UNC5C: variants seen among roughly 807,000 people sequenced by gnomAD.
The protein encoded by UNC5C is unc-5 netrin receptor C, also known as netrin receptor UNC5C.
A neutral mutation model predicts 99.8 loss-of-function variants in UNC5C; 47 were observed. The ratio of observed to expected loss-of-function variants is 0.47; its 90% CI spans 0.37 to 0.60. The LOEUF is 0.60. Among genes scored for constraint, UNC5C ranks in the 20% least tolerant of loss-of-function variants. The pLI is 0.00. For synonymous variants in UNC5C, 487 were observed against 452.2 expected, an observed-to-expected ratio of 1.08 and a Z score of -0.98; for missense variants, 1,062 against 1,165.9, an observed-to-expected ratio of 0.91 and a Z score of 1.30.
chr4:95,246,628 T>A (rs954001926), intron 5 of UNC5C, among the ~76,000 whole-genome samples: 94 of 151,962 alleles, frequency 6.2e-4, no homozygotes, highest in African/African-American at 2.1e-3. Flanking sequence ...GGATACATTA[T>A]GCATAATGTA....
chr4:95,538,619 A>G (rs909652862), intron 1 of UNC5C, among the ~76,000 whole-genome samples: 2 of 152,186 alleles, frequency 1.3e-5, no homozygotes, highest in Admixed American at 6.5e-5. Flanking sequence ...AATGAATGGT[A>G]TATGTATGAA....
At chr4:95,271,742 A>G (rs1247271215) in intron 4 of UNC5C, among the ~76,000 whole-genome samples, 1 of 152,236 alleles carries the variant, frequency 6.6e-6, no homozygotes, top group Non-Finnish European at 1.5e-5. Flanking sequence ...ATGATCTTTT[A>G]AAGGTGAATG....
intron 1 of UNC5C, among the ~76,000 whole-genome samples, chr4:95,491,378 T>C (rs1443935938): frequency 6.6e-6 from 1 of 151,644 alleles, no homozygotes; most frequent in Non-Finnish European, 1.5e-5. Flanking sequence ...ACATTTGGTG[T>C]TAGGCAAAGA....
chr4:95,502,186 A>G (rs1721792291), intron 1 of UNC5C, among the ~76,000 whole-genome samples: 1 of 152,200 alleles, frequency 6.6e-6, no homozygotes, highest in Admixed American at 6.5e-5. Flanking sequence ...ATTGGTTGCA[A>G]CAATGGATTA....
intron 1 of UNC5C, among the ~76,000 whole-genome samples, chr4:95,437,963 A>G (rs1746839423): frequency 6.6e-6 from 1 of 152,082 alleles, no homozygotes; most frequent in Non-Finnish European, 1.5e-5. Context: ...TAAACTTTGC[A>G]CATTCATGCT....
intron 1 of UNC5C, among the ~76,000 whole-genome samples, chr4:95,536,223 A>G (rs1722780213): frequency 6.6e-6 from 1 of 151,820 alleles, no homozygotes; most frequent in Non-Finnish European, 1.5e-5. Flanking sequence ...CTACAGGTGC[A>G]TGCCACCATG....
intron 1 of UNC5C, among the ~76,000 whole-genome samples, chr4:95,461,177 G>A (rs538245147): frequency 6.6e-6 from 1 of 152,254 alleles, no homozygotes; most frequent in Non-Finnish European, 1.5e-5. Flanking sequence ...TTGAAGGGAA[G>A]ACTTCTTAAT....
Position 95,329,900 on chromosome 4 carries a change from A to G in UNC5C, c.346+5510T>C, listed in dbSNP as rs181527964. ...CAACCAACCAACTGCCAAATTTTCT[A>G]CTAATGATGATGGTGATGGTGGCGA... On this transcript the variant is annotated intron_variant, in intron 2 of 15. Transcript: ENST00000453304. Among the ~76,000 whole-genome samples the G allele has an allele frequency of 1.5e-4, 23 of 152,286 alleles. No individual in the cohort carries two copies. The East Asian group carries it at 3.9e-3, about 26-fold the overall frequency.
intron 14 of UNC5C, among the ~76,000 whole-genome samples, chr4:95,180,109 C>G (rs906451835): frequency 6.6e-6 from 1 of 152,106 alleles, no homozygotes; most frequent in Admixed American, 6.6e-5. Context: ...AGCATGTGCT[C>G]TGGGCCAAGT....
intron 1 of UNC5C, among the ~76,000 whole-genome samples, chr4:95,377,140 A>T (rs1437252279): frequency 6.6e-6 from 1 of 152,210 alleles, no homozygotes; most frequent in African/African-American, 2.4e-5. Context: ...AACAACAATG[A>T]CAAAAGGAGT....
intron 1 of UNC5C, among the ~76,000 whole-genome samples, chr4:95,370,274 A>G (rs2149438406): frequency 6.6e-6 from 1 of 152,264 alleles, no homozygotes; most frequent in Admixed American, 6.5e-5. Context: ...GGGCTATATA[A>G]TTATATTACT....
chr4:95,547,229 C>T (rs1209801580), intron 1 of UNC5C, among the ~76,000 whole-genome samples: 1 of 151,832 alleles, frequency 6.6e-6, no homozygotes, highest in African/African-American at 2.4e-5. Flanking sequence ...AGGCATCTGG[C>T]GAGAAAGGAA....
chr4:95,391,757 TAA>T (rs61515733), intron 1 of UNC5C, among the ~76,000 whole-genome samples: 43,155 of 125,520 alleles, frequency 0.34, 6,806 homozygotes, highest in Middle Eastern at 0.44. Context: ...CCTTTCATGG[TAA>T]AAAAAAAAAA....
chr4:95,216,227 G>C lies in UNC5C; in HGVS notation c.1646-16C>G, dbSNP rs1354861227. On this transcript the variant is annotated splice_polypyrimidine_tract_variant and intron_variant, in intron 9 of 15. Coordinates refer to ENST00000453304, the MANE Select transcript of UNC5C (RefSeq NM_003728.4). ...AAGCTGACTCCTGAATAGCAAAAGAGAAAAGCAGTCATTTAAGACTTTTGC... is the reference window on the plus strand; with the variant it reads ...AAGCTGACTCCTGAATAGCAAAAGACAAAAGCAGTCATTTAAGACTTTTGC... The C allele has an allele frequency of 6.2e-7, 1 of 1,604,548 alleles. No individual in the cohort carries two copies. Among genetic ancestry groups the C allele is most frequent in the South Asian group, 1.1e-5 (1 of 90,510 alleles).
At chr4:95,382,078 C>T (rs1211893604) in intron 1 of UNC5C, among the ~76,000 whole-genome samples, 1 of 152,136 alleles carries the variant, frequency 6.6e-6, no homozygotes, top group African/African-American at 2.4e-5. Flanking sequence ...TGAGTTTGCT[C>T]AGGTCAAGTG....
At chr4:95,224,864 T>TG (rs1216080938) in intron 7 of UNC5C, among the ~76,000 whole-genome samples, 8 of 151,066 alleles carry the variant, frequency 5.3e-5, no homozygotes, top group Non-Finnish European at 8.8e-5. Flanking sequence ...TTTTTTTTTT[T>TG]AATTGAGATG....
At chr4:95,181,213 A>T (rs1274269253) in intron 14 of UNC5C, among the ~76,000 whole-genome samples, 1 of 152,200 alleles carries the variant, frequency 6.6e-6, no homozygotes, top group Non-Finnish European at 1.5e-5. Context: ...CTCTGACATG[A>T]CTGAAGGCTG....
At chr4:95,477,400 A>C (rs1403332327) in intron 1 of UNC5C, among the ~76,000 whole-genome samples, 1 of 152,098 alleles carries the variant, frequency 6.6e-6, no homozygotes. Context: ...TAACATATCT[A>C]AGAAAAAATG....
chr4:95,221,117 T>G (rs1245321044), intron 7 of UNC5C, among the ~76,000 whole-genome samples: 1 of 152,126 alleles, frequency 6.6e-6, no homozygotes, highest in Non-Finnish European at 1.5e-5. Context: ...CTGGAAAAGG[T>G]GATAGAAGCT....
Sources: gnomAD v4.1 joint callset for allele counts (sites outside exome capture counted in the v4.1 genomes callset) on GRCh38, gnomAD v4.1.1 for gene constraint, MANE v1.5 for transcripts, NCBI Gene and HGNC (gene_info 2026-07-23, HGNC 2026-07-21) for gene names.